The following GTF2B variants were observed in gnomAD, a reference collection of about 807,000 sequenced individuals.
GTF2B encodes transcription initiation factor IIB.
A neutral mutation model predicts 34.6 loss-of-function variants in GTF2B; 20 were observed. The observed-to-expected ratio is 0.58, with a 90% CI of 0.41 to 0.84. The LOEUF (loss-of-function observed/expected upper bound fraction) is 0.84. Ranked by LOEUF, GTF2B falls within the 40% of genes least tolerant of loss-of-function variation. GTF2B has a pLI of 0.00. For synonymous variants in GTF2B, 142 were observed against 132.4 expected (o/e 1.07, Z -0.50); for missense variants, 237 against 393.3 (o/e 0.60, Z 3.36).
intron 2 of GTF2B, among the ~76,000 whole-genome samples, chr1:88,877,620 CA>C (rs1290928306): frequency 1.3e-5 from 2 of 152,146 alleles, no homozygotes; most frequent in African/African-American, 4.8e-5. Context: ...AAAACCCCCA[CA>C]AAAGAGTGCT....
intron 1 of GTF2B, among the ~76,000 whole-genome samples, chr1:88,889,743 G>A (rs1001625089): frequency 6.6e-5 from 10 of 152,218 alleles, no homozygotes; most frequent in African/African-American, 2.4e-4. Flanking sequence ...TTTAGGCTGG[G>A]CGCAGTGGCT....
chr1:88,889,002 A>G (rs150751313), intron 1 of GTF2B, among the ~76,000 whole-genome samples: 62 of 152,330 alleles, frequency 4.1e-4, no homozygotes, highest in African/African-American at 1.4e-3. Flanking sequence ...TGAGCTGCCC[A>G]CTTTTAAAAT....
intron 2 of GTF2B, among the ~76,000 whole-genome samples, chr1:88,878,870 T>A (rs1673869145): frequency 6.6e-6 from 1 of 152,212 alleles, no homozygotes; most frequent in South Asian, 2.1e-4. Context: ...GGATGACAGA[T>A]CCATGTGCGG....
chr1:88,889,345 G>A (rs1331520805), intron 1 of GTF2B, among the ~76,000 whole-genome samples: 3 of 152,130 alleles, frequency 2.0e-5, no homozygotes, highest in Non-Finnish European at 4.4e-5. Flanking sequence ...ATACAAATGG[G>A]GTGGTGAAGG....
chr1:88,871,094 G>C (rs555932918), intron 2 of GTF2B, among the ~76,000 whole-genome samples: 1 of 152,024 alleles, frequency 6.6e-6, no homozygotes, highest in South Asian at 2.1e-4. Context: ...TAGAGACGGG[G>C]TTTCATTATG....
At chr1:88,871,087 A>G (rs1673684749) in intron 2 of GTF2B, among the ~76,000 whole-genome samples, 1 of 151,872 alleles carries the variant, frequency 6.6e-6, no homozygotes, top group South Asian at 2.1e-4. Flanking sequence ...TTTTTAGTAG[A>G]GACGGGGTTT....
rs76712508 is a variant in GTF2B, at chr1:88,884,000, T to C, written c.124+3261A>G. Among the ~76,000 whole-genome samples, 1,063 of 151,800 alleles carry C rather than the reference T, an allele frequency of 7.0e-3. 12 individuals carry two copies. The highest frequency in any genetic ancestry group is 0.024 in the African/African-American group (995 of 41,304). ...ATGTAGACTACTCACTGGAGCTAGT[T>C]CTTCTGTCAAGCTCAGCACTGACTT... On this transcript the variant is annotated intron_variant, in intron 2 of 6. Coordinates refer to ENST00000370500, the MANE Select transcript of GTF2B (RefSeq NM_001514.6).
At chr1:88,875,402 G>A (rs1570730642) in intron 2 of GTF2B, among the ~76,000 whole-genome samples, 1 of 152,300 alleles carries the variant, frequency 6.6e-6, no homozygotes, top group East Asian at 1.9e-4. Context: ...AAAATACATT[G>A]TAAGCTCCAT....
In GTF2B at chr1:88,875,158, C is replaced by A. The variant is rs577479529; in HGVS notation, c.125-11044G>T. Among the ~76,000 whole-genome samples the A allele has an allele frequency of 1.4e-4, 21 of 152,202 alleles. 1 individual carries two copies. In the South Asian group the frequency reaches 4.4e-3, roughly 32 times the overall value. ...TAGACAATTTTGAAGAGAATGCTGACCAAGAGATACTTTATAAAGAAATAC... is the reference window on the plus strand; with the variant it reads ...TAGACAATTTTGAAGAGAATGCTGAACAAGAGATACTTTATAAAGAAATAC... On this transcript the variant is annotated intron_variant, in intron 2 of 6. Coordinates refer to ENST00000370500, the MANE Select transcript of GTF2B (RefSeq NM_001514.6).
Position 88,891,566 on chromosome 1 carries a change from G to A in GTF2B, c.-67C>T. 2 of 1,387,998 alleles carry A rather than the reference G, an allele frequency of 1.4e-6. No individual in the cohort carries two copies. The highest frequency in any genetic ancestry group is 2.0e-6 in the Non-Finnish European group (2 of 992,140). The allele number at this position is 1,387,998 out of a possible 1,614,324, so 86.0% of individuals were successfully genotyped here. On this transcript the variant is annotated 5_prime_UTR_variant, in exon 1 of 7. Transcript: ENST00000370500. Reference sequence around the variant, plus strand: ...ACACCGAAAGCAGGAAGCGAATGTGGCGAAGAGACGCGCAGAGATGAGTTT... The same window carrying A: ...ACACCGAAAGCAGGAAGCGAATGTGACGAAGAGACGCGCAGAGATGAGTTT...
chr1:88,855,067 T>C (rs1673272642), intron 6 of GTF2B, among the ~76,000 whole-genome samples: 2 of 152,196 alleles, frequency 1.3e-5, no homozygotes, highest in African/African-American at 4.8e-5. Context: ...AGCAACAAGA[T>C]TAATGTTTTC....
chr1:88,889,694 T>A (rs1348372794), intron 1 of GTF2B, among the ~76,000 whole-genome samples: 1 of 152,138 alleles, frequency 6.6e-6, no homozygotes, highest in Non-Finnish European at 1.5e-5. Flanking sequence ...ACAATACACC[T>A]TCCTGAGGGA....
chr1:88,890,793 A>T lies in GTF2B; in HGVS notation c.17+690T>A, dbSNP rs532921839. On this transcript the variant is annotated intron_variant, in intron 1 of 6. Coordinates refer to ENST00000370500, the MANE Select transcript of GTF2B (RefSeq NM_001514.6). The stretch of plus-strand genomic sequence containing the variant: ...TTTCCTGTAGATATGAGTACACTGC[A>T]TTCTTAAATATATACTAAAAAGCGA... Among the ~76,000 whole-genome samples the T allele has an allele frequency of 2.0e-5, 3 of 152,280 alleles. No homozygotes were observed. The South Asian group carries it at 6.2e-4, about 32-fold the overall frequency.
intron 2 of GTF2B, among the ~76,000 whole-genome samples, chr1:88,871,670 T>C (rs552082186): frequency 6.6e-6 from 1 of 152,332 alleles, no homozygotes; most frequent in South Asian, 2.1e-4. Context: ...TTAACAAAGA[T>C]AATTTGGCAC....
chr1:88,876,587 C>T (rs1393652025), intron 2 of GTF2B, among the ~76,000 whole-genome samples: 2 of 152,088 alleles, frequency 1.3e-5, no homozygotes, highest in Non-Finnish European at 2.9e-5. Context: ...GAAACTGAGG[C>T]AGGAGGCTAC....
At chr1:88,886,093 C>G (rs1674061661) in intron 2 of GTF2B, among the ~76,000 whole-genome samples, 1 of 152,122 alleles carries the variant, frequency 6.6e-6, no homozygotes, top group Non-Finnish European at 1.5e-5. Flanking sequence ...AGAATAGTGC[C>G]TAGTATATAG....
intron 2 of GTF2B, among the ~76,000 whole-genome samples, chr1:88,884,045 T>TTG (rs1674008930): frequency 1.5e-5 from 2 of 130,416 alleles, no homozygotes; most frequent in African/African-American, 5.6e-5. Context: ...TTTTTTTTTT[T>TTG]GAGACAGAGT....
At position 88,878,372 on chromosome 1, in the gene GTF2B, A is replaced by G. The variant is rs367748066; in HGVS notation, c.124+8889T>C. ...AGCTAATACCAAATCATAACACTTC[A>G]TATGTTTCAAATAAAAATCTTGTAA... On this transcript the variant is annotated intron_variant, in intron 2 of 6. Coordinates refer to ENST00000370500, the MANE Select transcript of GTF2B (RefSeq NM_001514.6). 2.6e-5 allele frequency among the ~76,000 whole-genome samples: 4 copies of G among 152,242 alleles called. No individual in the cohort carries two copies. The East Asian group carries it at 7.7e-4, about 29-fold the overall frequency.
intron 2 of GTF2B, among the ~76,000 whole-genome samples, chr1:88,874,514 T>G (rs1407525207): frequency 1.4e-5 from 2 of 146,064 alleles, no homozygotes; most frequent in South Asian, 2.2e-4. Context: ...TTTTTTTTTT[T>G]TTTTTTTTTT....
Sources: gnomAD v4.1 joint callset for allele counts (sites outside exome capture counted in the v4.1 genomes callset) on GRCh38, gnomAD v4.1.1 for gene constraint, MANE v1.5 for transcripts, NCBI Gene and HGNC (gene_info 2026-07-23, HGNC 2026-07-21) for gene names.